Variants in STRN observed in about 807,000 individuals in gnomAD.
STRN encodes protein phosphatase 2 regulatory subunit B'''alpha.
A neutral mutation model predicts 96.3 loss-of-function variants in STRN; 53 were observed. The observed-to-expected ratio is 0.55, with a 90% CI of 0.44 to 0.69. The LOEUF (loss-of-function observed/expected upper bound fraction) is 0.69, where lower values mean the gene tolerates loss of function less well. STRN is among the 30% of genes least tolerant of loss of function. The pLI is 0.00. For missense variants in STRN, 987 were observed against 963.9 expected (o/e 1.02, Z -0.32); for synonymous variants, 428 against 355.9 (o/e 1.20, Z -2.28).
intron 1 of STRN, among the ~76,000 whole-genome samples, chr2:36,933,031 G>T (rs1670612652): frequency 6.7e-6 from 1 of 148,878 alleles, no homozygotes; most frequent in Non-Finnish European, 1.5e-5. Flanking sequence ...TTTGCTCAAA[G>T]GGCTAGAAAT....
chr2:36,893,919 C>T lies in STRN; in HGVS notation c.910G>A (p.Ala304Thr), dbSNP rs1183464438. 9 of 1,611,902 alleles carry T rather than the reference C, an allele frequency of 5.6e-6. No homozygotes were observed. The highest frequency in any genetic ancestry group is 7.6e-6 in the Non-Finnish European group (9 of 1,179,242). ...SEEGDNESRS[A>T]GDGTDWEKED... ...TTACCCCAGTCTGTTCCATCGCCTG[C>T]ACTTCTAGATTCATTGTCTCCTTCC... The change falls in exon 7 of 18, where the codon GCA becomes ACA. Residue 304 changes from alanine (A) to threonine (T), a missense_variant. By Grantham distance (58) the Ala-to-Thr change is moderately conservative. Transcript: ENST00000263918.
chr2:36,857,614 T>C (rs1399820827), intron 14 of STRN, among the ~76,000 whole-genome samples: 3 of 151,864 alleles, frequency 2.0e-5, no homozygotes, highest in Middle Eastern at 3.2e-3. Flanking sequence ...GAGCCGAGAT[T>C]GCGCCACTGC....
chr2:36,942,378 CTTG>C (rs1670867129), intron 1 of STRN, among the ~76,000 whole-genome samples: 1 of 152,120 alleles, frequency 6.6e-6, no homozygotes, highest in Admixed American at 6.5e-5. Context: ...ATCACCTCTA[CTTG>C]TTAAGTCACT....
intron 5 of STRN, among the ~76,000 whole-genome samples, chr2:36,901,748 A>G (rs1329787174): frequency 6.6e-6 from 1 of 152,202 alleles, no homozygotes; most frequent in East Asian, 1.9e-4. Context: ...ATTCTTAATT[A>G]TTAATGAATA....
chr2:36,866,404 T>C (rs994507158), intron 12 of STRN, among the ~76,000 whole-genome samples: 4 of 152,340 alleles, frequency 2.6e-5, no homozygotes, highest in Middle Eastern at 3.4e-3. Flanking sequence ...TCTGAGAGTG[T>C]GGTTGGCATG....
At chr2:36,911,322 C>G (rs45504994) in intron 3 of STRN, among the ~76,000 whole-genome samples, 70,542 of 151,982 alleles carry the variant, frequency 0.46, 16,702 homozygotes, top group East Asian at 0.67. Flanking sequence ...TCTGAGCAGA[C>G]CAGTCAGGCT....
At chr2:36,915,122 G>A (rs1336965160) in intron 3 of STRN, among the ~76,000 whole-genome samples, 8 of 149,932 alleles carry the variant, frequency 5.3e-5, no homozygotes, top group Admixed American at 1.3e-4. Flanking sequence ...GCGTGAACCC[G>A]GGAGGTGGAG....
At chr2:36,882,021 T>G (rs1003618265) in intron 9 of STRN, among the ~76,000 whole-genome samples, 2 of 152,214 alleles carry the variant, frequency 1.3e-5, no homozygotes, top group Non-Finnish European at 2.9e-5. Context: ...TACAGTGTGA[T>G]GTGTTGATTC....
At chr2:36,865,539 G>T (rs377301598) in intron 12 of STRN, among the ~76,000 whole-genome samples, 76 of 151,896 alleles carry the variant, frequency 5.0e-4, no homozygotes, top group African/African-American at 1.7e-3. Flanking sequence ...TTTCTCTTGT[G>T]TGTGATGTTA....
chr2:36,868,888 T>G (rs1668695285), intron 11 of STRN, among the ~76,000 whole-genome samples: 1 of 151,854 alleles, frequency 6.6e-6, no homozygotes, highest in Non-Finnish European at 1.5e-5. Context: ...TTTTTTTTTT[T>G]TGACATGTGA....
At chr2:36,944,902 G>C (rs1388895511) in intron 1 of STRN, among the ~76,000 whole-genome samples, 4 of 152,194 alleles carry the variant, frequency 2.6e-5, no homozygotes, top group African/African-American at 9.6e-5. Context: ...TAGAATGCTA[G>C]ATAATGCCAA....
At chr2:36,917,545 A>C (rs980455418) in intron 2 of STRN, among the ~76,000 whole-genome samples, 1 of 150,062 alleles carries the variant, frequency 6.7e-6, no homozygotes, top group Non-Finnish European at 1.5e-5. Context: ...AAAGAAAAAA[A>C]AAAAAAAAGA....
At chr2:36,913,833 T>A (rs963222745) in intron 3 of STRN, among the ~76,000 whole-genome samples, 3 of 152,224 alleles carry the variant, frequency 2.0e-5, no homozygotes, top group Non-Finnish European at 2.9e-5. Context: ...TCCCAGAGTA[T>A]TTCCTAGTTT....
At chr2:36,908,486 T>C (rs1669878627) in intron 3 of STRN, among the ~76,000 whole-genome samples, 1 of 152,158 alleles carries the variant, frequency 6.6e-6, no homozygotes, top group African/African-American at 2.4e-5. Flanking sequence ...AAGGCAAAAC[T>C]ACAGAAATGG....
chr2:36,886,541 T>C (rs576036759), intron 8 of STRN, among the ~76,000 whole-genome samples, 175 bp downstream of exon 8: 3 of 152,270 alleles, frequency 2.0e-5, no homozygotes, highest in East Asian at 1.9e-4. Flanking sequence ...TTCTTTTAAG[T>C]TCATAATTAA....
At chr2:36,879,915 G>A (rs1284084195) in intron 9 of STRN, among the ~76,000 whole-genome samples, 1 of 151,854 alleles carries the variant, frequency 6.6e-6, no homozygotes, top group African/African-American at 2.4e-5. Flanking sequence ...GGACCCTTTG[G>A]GGCCAGATGT....
chr2:36,940,888 C>T (rs1026271141), intron 1 of STRN, among the ~76,000 whole-genome samples: 11 of 151,634 alleles, frequency 7.3e-5, no homozygotes, highest in Non-Finnish European at 1.6e-4. Context: ...CACAATGGCC[C>T]ATGCCTGTAA....
rs114591356 is a variant in STRN at position 36,908,426 on chromosome 2, T to G, written c.413-2808A>C. On this transcript the variant is annotated intron_variant, in intron 3 of 17. Coordinates refer to ENST00000263918, the MANE Select transcript of STRN (RefSeq NM_003162.4). ...ATTATTCTAAGTGAATAAGCCAGAA[T>G]CGAAAGGCTACAATCTGTAAGATTC... 8.1e-3 allele frequency among the ~76,000 whole-genome samples: 1,237 copies of G among 152,216 alleles called. 11 individuals carry two copies. Among genetic ancestry groups the G allele is most frequent in the African/African-American group, 0.029 (1,185 of 41,518 alleles).
intron 12 of STRN, among the ~76,000 whole-genome samples, chr2:36,861,804 T>C (rs531246839): frequency 1.2e-4 from 18 of 152,148 alleles, no homozygotes; most frequent in African/African-American, 3.9e-4. Flanking sequence ...CAAGGTTACA[T>C]GTGCAGGTTG....
Sources: gnomAD v4.1 joint callset for allele counts (sites outside exome capture counted in the v4.1 genomes callset) on GRCh38, gnomAD v4.1.1 for gene constraint, MANE v1.5 for transcripts, NCBI Gene and HGNC (gene_info 2026-07-23, HGNC 2026-07-21) for gene names.